Variants in WDSUB1 observed in about 807,000 individuals in gnomAD.
The protein encoded by WDSUB1 is WD repeat, sterile alpha motif and U-box domain containing 1, also known as WD repeat, SAM and U-box domain-containing protein 1.
In WDSUB1, 49 loss-of-function variants were observed where a neutral mutation model predicts 53.9. The ratio of observed to expected loss-of-function variants is 0.91; its 90% CI spans 0.72 to 1.15. The LOEUF is 1.15. Among genes scored for constraint, WDSUB1 ranks in the 50% most tolerant of loss-of-function variants. The pLI is 0.00. For synonymous variants in WDSUB1, 194 were observed against 200.6 expected (o/e 0.97, Z 0.28); for missense variants, 514 against 562.0 (o/e 0.91, Z 0.86).
chr2:159,279,938 T>G lies in WDSUB1; in HGVS notation c.406A>C (p.Ser136Arg), dbSNP rs2061618969. 1 of 1,605,194 alleles carries G rather than the reference T, an allele frequency of 6.2e-7. No individual in the cohort carries two copies. The highest frequency in any genetic ancestry group is 8.5e-7 in the Non-Finnish European group (1 of 1,174,114). ...AQSYKLYRCGSVKDGSLAACA... is the reference protein window; with the variant it reads ...AQSYKLYRCGRVKDGSLAACA... ...GCCGCCAAGGAGCCATCTTTAACAC[T>G]ACCACATCTGAAATAAAAGCAAAAA... is the stretch of plus-strand genomic sequence containing the variant. The change falls in exon 3 of 11, where the codon AGT becomes CGT. Residue 136 changes from serine to arginine, a missense_variant. Ser to Arg is a moderately radical substitution (Grantham distance 110). Transcript: ENST00000359774.
intron 10 of WDSUB1, among the ~76,000 whole-genome samples, chr2:159,240,800 T>A (rs1440635639): frequency 6.6e-6 from 1 of 152,170 alleles, no homozygotes; most frequent in African/African-American, 2.4e-5. Context: ...GCTCTTACTC[T>A]CCCTGTACAC....
Position 159,268,450 on chromosome 2 carries a change from T to A in WDSUB1, c.770+3252A>T, listed in dbSNP as rs549285166. On this transcript the variant is annotated intron_variant, in intron 5 of 10. Coordinates refer to ENST00000359774, the MANE Select transcript of WDSUB1 (RefSeq NM_001128212.3). ...GATGAATAATCTTCATCTTTAGAGA[T>A]CAAACAGCCACATCTACAATAATGA... 2.0e-4 allele frequency among the ~76,000 whole-genome samples: 30 copies of A among 152,340 alleles called. No homozygotes were observed. In the South Asian group the frequency reaches 6.2e-3, roughly 32 times the overall value.
chr2:159,242,668 A>T (rs1030154265), intron 10 of WDSUB1, among the ~76,000 whole-genome samples: 1 of 147,758 alleles, frequency 6.8e-6, no homozygotes, highest in Non-Finnish European at 1.5e-5. Flanking sequence ...AAATAAATAA[A>T]GTATGCATCA....
chr2:159,245,532 CAAA>C (rs35025474), intron 10 of WDSUB1, among the ~76,000 whole-genome samples: 7 of 131,392 alleles, frequency 5.3e-5, no homozygotes, highest in South Asian at 2.6e-4. Flanking sequence ...GACTCTGTCT[CAAA>C]AAAAAAAAAA....
At chr2:159,249,594 T>C (rs1051668984) in intron 9 of WDSUB1, among the ~76,000 whole-genome samples, 5 of 152,292 alleles carry the variant, frequency 3.3e-5, no homozygotes, top group Admixed American at 6.5e-5. Flanking sequence ...GAAAACATCC[T>C]TGGAAGCTAG....
At chr2:159,279,407 T>C (rs533419917) in intron 3 of WDSUB1, among the ~76,000 whole-genome samples, 45 of 152,358 alleles carry the variant, frequency 3.0e-4, no homozygotes, top group Middle Eastern at 3.4e-3. Context: ...AATATCAATA[T>C]AGTGTTCTTT....
rs563554530 is a variant in WDSUB1, at chr2:159,268,328, C to G, written c.770+3374G>C. Among the ~76,000 whole-genome samples the G allele has an allele frequency of 2.3e-5, 3 of 131,198 alleles. No individual in the cohort carries two copies. In the South Asian group the frequency reaches 6.6e-4, roughly 29 times the overall value. The allele number at this position is 131,198 out of a possible 152,430, so 86.1% of individuals were successfully genotyped here. A position where few individuals can be genotyped will look rare whatever the true frequency, so the allele number is the denominator to read the frequency against. ...ATAATCATTCTGTCAGCTAACCTGT[C>G]CCCTAACACAGCAGACAGAGTTCAA... On this transcript the variant is annotated intron_variant, in intron 5 of 10. Transcript: ENST00000359774.
chr2:159,242,052 T>A (rs2060665234), intron 10 of WDSUB1, among the ~76,000 whole-genome samples: 1 of 145,666 alleles, frequency 6.9e-6, no homozygotes, highest in African/African-American at 2.7e-5. Context: ...CAAAAGCAAC[T>A]TTTATTTATT....
At chr2:159,271,841 G>T in intron 4 of WDSUB1, 46 bp from the exon 5 acceptor site, 1 of 1,493,452 alleles carries the variant, frequency 6.7e-7, no homozygotes, top group Non-Finnish European at 9.3e-7. Context: ...ACCATGCTTA[G>T]AATTGATTTT....
chr2:159,254,340 A>C (rs998288146), intron 9 of WDSUB1, among the ~76,000 whole-genome samples: 2 of 152,134 alleles, frequency 1.3e-5, no homozygotes. Flanking sequence ...TGGGAGGGTC[A>C]CTTAAGGTCA....
At chr2:159,271,930 T>C (rs1486052752) in intron 4 of WDSUB1, 135 bp from the exon 5 acceptor site, 6 of 678,468 alleles carry the variant, frequency 8.8e-6, no homozygotes, top group Non-Finnish European at 1.5e-5. Flanking sequence ...AAAATCCTCA[T>C]GCAGCTCAGA....
chr2:159,273,415 G>C (rs1157854697), intron 4 of WDSUB1, among the ~76,000 whole-genome samples: 4 of 151,982 alleles, frequency 2.6e-5, no homozygotes, highest in African/African-American at 9.7e-5. Context: ...TTTATGAAAA[G>C]ATTTTATTTT....
intron 1 of WDSUB1, among the ~76,000 whole-genome samples, chr2:159,284,491 TA>T (rs1057093588): frequency 6.6e-6 from 1 of 151,134 alleles, no homozygotes; most frequent in Non-Finnish European, 1.5e-5. Flanking sequence ...GATTTGCTCT[TA>T]AAAAAAAACA....
intron 10 of WDSUB1, among the ~76,000 whole-genome samples, chr2:159,237,349 T>G (rs1331540114): frequency 6.6e-6 from 1 of 152,022 alleles, no homozygotes; most frequent in Non-Finnish European, 1.5e-5. Context: ...GGCAAAACCC[T>G]ACCTCTACTA....
intron 3 of WDSUB1, among the ~76,000 whole-genome samples, chr2:159,277,098 TA>T (rs2061556881): frequency 6.6e-6 from 1 of 152,236 alleles, no homozygotes; most frequent in Non-Finnish European, 1.5e-5. Flanking sequence ...CCTGGGCATG[TA>T]AATTTTTTCT....
chr2:159,247,148 CAT>C (rs1038929895), intron 10 of WDSUB1, among the ~76,000 whole-genome samples: 2 of 152,214 alleles, frequency 1.3e-5, no homozygotes, highest in Non-Finnish European at 2.9e-5. Flanking sequence ...CTGCTATACT[CAT>C]AGCAAATTTC....
At chr2:159,265,095 A>AT (rs1264918877) in intron 5 of WDSUB1, among the ~76,000 whole-genome samples, 2 of 145,906 alleles carry the variant, frequency 1.4e-5, no homozygotes, top group East Asian at 2.0e-4. Flanking sequence ...AAAAAAAAAA[A>AT]AAAATAAAAC....
intron 10 of WDSUB1, among the ~76,000 whole-genome samples, chr2:159,244,413 A>G (rs1010375206): frequency 6.6e-6 from 1 of 151,108 alleles, no homozygotes; most frequent in African/African-American, 2.4e-5. Context: ...CCAATACAGT[A>G]TAACAGCTAT....
chr2:159,247,552 T>C (rs528655859), intron 10 of WDSUB1, among the ~76,000 whole-genome samples: 16 of 152,198 alleles, frequency 1.1e-4, no homozygotes, highest in South Asian at 2.1e-4. Context: ...TGTTTTTTTT[T>C]CCTAGAAAAT....
Sources: gnomAD v4.1 joint callset for allele counts (sites outside exome capture counted in the v4.1 genomes callset) on GRCh38, gnomAD v4.1.1 for gene constraint, MANE v1.5 for transcripts, NCBI Gene and HGNC (gene_info 2026-07-23, HGNC 2026-07-21) for gene names.